The following RBMS3 variants were observed in gnomAD, a reference collection of about 807,000 sequenced individuals.
RBMS3 encodes RNA-binding motif, single-stranded-interacting protein 3.
A neutral mutation model predicts 66.8 loss-of-function variants in RBMS3; 27 were observed. The observed-to-expected ratio is 0.40, with a 90% CI of 0.30 to 0.56. The LOEUF (loss-of-function observed/expected upper bound fraction) is 0.56. Ranked by LOEUF, RBMS3 falls within the 20% of genes least tolerant of loss-of-function variation. The probability of loss-of-function intolerance (pLI) is 0.40; values close to 1 mark genes in which losing one functional copy is unlikely to be tolerated. For synonymous variants in RBMS3, 188 were observed against 183.0 expected, an observed-to-expected ratio of 1.03 and a Z score of -0.22; for missense variants, 513 against 549.5, an observed-to-expected ratio of 0.93 and a Z score of 0.66.
chr3:29,401,324 TA>T (rs2039800240), intron 1 of RBMS3, among the ~76,000 whole-genome samples: 1 of 152,078 alleles, frequency 6.6e-6, no homozygotes, highest in Admixed American at 6.6e-5. Context: ...ATCACATCAT[TA>T]ATACAGTGAA....
rs563748517 is a variant in RBMS3, at chr3:30,008,888, G to C, written c.*5026G>C. 1 of 152,098 alleles carries C rather than the reference G, an allele frequency of 6.6e-6. No homozygotes were observed. The highest frequency in any genetic ancestry group is 1.9e-4 in the East Asian group (1 of 5,188). 9.4% of individuals were successfully genotyped at this position (152,098 alleles called of 1,614,324 possible). A position where few individuals can be genotyped will look rare whatever the true frequency, so the allele number is the denominator to read the frequency against. On this transcript the variant is annotated 3_prime_UTR_variant, in exon 15 of 15. Coordinates refer to ENST00000383767, the MANE Select transcript of RBMS3 (RefSeq NM_001003793.3). Reference sequence around the variant, plus strand: ...AAAACTAAACACTAAATCCCCAACTGGCCCCAAAGACCTTTTATGATGTGA... The same window carrying C: ...AAAACTAAACACTAAATCCCCAACTCGCCCCAAAGACCTTTTATGATGTGA...
At chr3:29,843,219 G>C (rs186927138) in intron 6 of RBMS3, among the ~76,000 whole-genome samples, 2 of 152,268 alleles carry the variant, frequency 1.3e-5, no homozygotes, top group Admixed American at 6.5e-5. Flanking sequence ...GGTCTTTTCT[G>C]TTTTTGTCAC....
At chr3:29,713,307 T>TAA (rs938139522) in intron 4 of RBMS3, among the ~76,000 whole-genome samples, 1 of 152,114 alleles carries the variant, frequency 6.6e-6, no homozygotes, top group African/African-American at 2.4e-5. Context: ...TTAAAACCCT[T>TAA]AAGCTGCTTC....
intron 11 of RBMS3, among the ~76,000 whole-genome samples, chr3:29,938,045 G>A (rs972731598): frequency 3.3e-5 from 5 of 151,802 alleles, no homozygotes; most frequent in African/African-American, 1.2e-4. Context: ...TACTCATTTG[G>A]TTCAAAAGTA....
At chr3:29,373,267 G>T (rs931122070) in intron 1 of RBMS3, among the ~76,000 whole-genome samples, 7 of 152,006 alleles carry the variant, frequency 4.6e-5, no homozygotes, top group Non-Finnish European at 7.4e-5. Context: ...TGTTACTCAG[G>T]GTAGAAGCAG....
chr3:29,410,963 T>C (rs1444084548), intron 1 of RBMS3, among the ~76,000 whole-genome samples: 1 of 79,026 alleles, frequency 1.3e-5, no homozygotes, highest in Admixed American at 1.6e-4. Context: ...TATCCCTTTC[T>C]TCTTAAAAAA....
At chr3:29,945,418 T>A (rs1695238051) in intron 12 of RBMS3, among the ~76,000 whole-genome samples, 1 of 151,714 alleles carries the variant, frequency 6.6e-6, no homozygotes, top group Admixed American at 6.6e-5. Context: ...TACGTTAGCA[T>A]TTGGCCGCGA....
chr3:29,637,313 A>G (rs2049512295), intron 4 of RBMS3, among the ~76,000 whole-genome samples: 1 of 151,840 alleles, frequency 6.6e-6, no homozygotes, highest in African/African-American at 2.4e-5. Context: ...GAAACTAAAA[A>G]CCATATAGAA....
chr3:29,817,529 C>T (rs1461657466), intron 6 of RBMS3, among the ~76,000 whole-genome samples: 2 of 152,074 alleles, frequency 1.3e-5, no homozygotes, highest in African/African-American at 4.8e-5. Context: ...TCTAAAGGCA[C>T]ATTTTGAAAG....
At chr3:29,382,189 A>G (rs1457752456) in intron 1 of RBMS3, among the ~76,000 whole-genome samples, 1 of 152,170 alleles carries the variant, frequency 6.6e-6, no homozygotes, top group Admixed American at 6.5e-5. Context: ...AATTTTTGAA[A>G]GACGTTTAGT....
intron 6 of RBMS3, among the ~76,000 whole-genome samples, chr3:29,769,468 G>A (rs1220551912): frequency 1.3e-5 from 2 of 151,874 alleles, no homozygotes; most frequent in East Asian, 1.9e-4. Flanking sequence ...ATCTTTAGTC[G>A]AGCAGCTGGA....
At chr3:29,352,926 C>T (rs1362284806) in intron 1 of RBMS3, among the ~76,000 whole-genome samples, 2 of 144,660 alleles carry the variant, frequency 1.4e-5, no homozygotes, top group Non-Finnish European at 1.5e-5. Flanking sequence ...TACATTCATT[C>T]TTTTTTTTTT....
chr3:29,659,522 A>G (rs543442895), intron 4 of RBMS3, among the ~76,000 whole-genome samples: 1 of 152,330 alleles, frequency 6.6e-6, no homozygotes, highest in African/African-American at 2.4e-5. Flanking sequence ...TTAATGTAAT[A>G]TCCCCAAAGA....
intron 6 of RBMS3, among the ~76,000 whole-genome samples, chr3:29,788,074 T>C (rs906716447): frequency 3.9e-5 from 6 of 152,154 alleles, no homozygotes; most frequent in Non-Finnish European, 8.8e-5. Context: ...ATTGTCAACA[T>C]TCCCTGTGTC....
chr3:29,791,374 C>T (rs895982720), intron 6 of RBMS3, among the ~76,000 whole-genome samples: 1 of 152,032 alleles, frequency 6.6e-6, no homozygotes, highest in Non-Finnish European at 1.5e-5. Context: ...TGTTTAAAAG[C>T]CTCTTATCTA....
intron 6 of RBMS3, among the ~76,000 whole-genome samples, chr3:29,855,422 T>C (rs1237007723): frequency 1.6e-4 from 24 of 152,238 alleles, no homozygotes; most frequent in Admixed American, 1.2e-3. Flanking sequence ...CTAATCATTA[T>C]ATGCCAAAAA....
chr3:29,331,746 A>G (rs904630498), intron 1 of RBMS3, among the ~76,000 whole-genome samples: 5 of 150,630 alleles, frequency 3.3e-5, no homozygotes, highest in African/African-American at 7.3e-5. Flanking sequence ...CCAGATTCAC[A>G]GGGGCTTGTC....
rs538284084 is a variant in RBMS3, at chr3:29,460,436, T to C, written c.248+25521T>C. Among the ~76,000 whole-genome samples the C allele has an allele frequency of 1.8e-3, 279 of 152,352 alleles. 1 individual carries two copies. Among genetic ancestry groups the C allele is most frequent in the African/African-American group, 6.3e-3 (264 of 41,586 alleles). ...AAACTGACTCCCAAAGTAAAATGTA[T>C]TTTTTAATGTGGGTCACAAGAGATA... On this transcript the variant is annotated intron_variant, in intron 2 of 14. Coordinates refer to ENST00000383767, the MANE Select transcript of RBMS3 (RefSeq NM_001003793.3).
At chr3:29,408,086 C>T (rs1159833465) in intron 1 of RBMS3, among the ~76,000 whole-genome samples, 1 of 151,684 alleles carries the variant, frequency 6.6e-6, no homozygotes, top group South Asian at 2.1e-4. Flanking sequence ...TCCTGGCTAA[C>T]ACGGTGAAAC....
Sources: allele counts gnomAD v4.1 joint callset (sites outside exome capture counted in the v4.1 genomes callset), GRCh38; gene constraint gnomAD v4.1.1; transcripts MANE v1.5; gene names NCBI Gene and HGNC (gene_info 2026-07-23, HGNC 2026-07-21).